Variants in LARP4B observed in about 807,000 individuals in gnomAD.
LARP4B encodes the protein La ribonucleoprotein 4B.
In LARP4B, 12 loss-of-function variants were observed where a neutral mutation model predicts 89.8. The ratio of observed to expected loss-of-function variants is 0.13; its 90% CI spans 0.09 to 0.22. The LOEUF is 0.22. LARP4B is among the 10% of genes least tolerant of loss of function. The pLI is 1.00. For missense variants in LARP4B, 757 were observed against 947.7 expected (o/e 0.80, Z 2.64); for synonymous variants, 367 against 363.3 (o/e 1.01, Z -0.12).
chr10:883,629 A>T (rs1472616092), intron 3 of LARP4B, among the ~76,000 whole-genome samples: 1 of 151,556 alleles, frequency 6.6e-6, no homozygotes, highest in African/African-American at 2.4e-5. Context: ...TTGTTTTTTT[A>T]AAATTCTTCT....
chr10:906,486 G>C (rs1298999324), intron 1 of LARP4B, among the ~76,000 whole-genome samples: 1 of 152,250 alleles, frequency 6.6e-6, no homozygotes, highest in African/African-American at 2.4e-5. Flanking sequence ...CCCAGCGCCA[G>C]TGTGGTGCAA....
chr10:847,935 C>T (rs1385537489), intron 5 of LARP4B, among the ~76,000 whole-genome samples: 5 of 152,192 alleles, frequency 3.3e-5, no homozygotes, highest in Admixed American at 3.3e-4. Flanking sequence ...CAGTGTATGG[C>T]TGTGTGGAAG....
chr10:841,132 G>A (rs138814207), intron 7 of LARP4B, among the ~76,000 whole-genome samples: 12 of 152,140 alleles, frequency 7.9e-5, no homozygotes, highest in East Asian at 1.9e-4. Context: ...CAGCCTTGGC[G>A]ACAGAGTGAG....
chr10:842,690 T>TCTA, intron 7 of LARP4B, among the ~76,000 whole-genome samples: 1 of 152,318 alleles, frequency 6.6e-6, no homozygotes, highest in African/African-American at 2.4e-5. Flanking sequence ...AAGATTCTTT[T>TCTA]CTACTTCATA....
intron 1 of LARP4B, among the ~76,000 whole-genome samples, chr10:888,200 G>A (rs958197486): frequency 1.3e-5 from 2 of 151,798 alleles, no homozygotes; most frequent in East Asian, 3.9e-4. Context: ...CATGCCTGGA[G>A]TCCCAGCTAT....
chr10:962,298 CAAAAAAAAA>C, the LARP4B span, among the ~76,000 whole-genome samples: 26 of 60,636 alleles, frequency 4.3e-4, 1 homozygote, highest in African/African-American at 1.4e-3. Context: ...ACTCCATCTC[CAAAAAAAAA>C]AAAAAAAAAA....
intron 13 of LARP4B, among the ~76,000 whole-genome samples, chr10:823,823 G>C (rs1024857621): frequency 6.6e-6 from 1 of 152,004 alleles, no homozygotes; most frequent in African/African-American, 2.4e-5. Context: ...GGCCCCTTTT[G>C]GCTTTGCATC....
rs1375553929 is a variant in LARP4B, at chr10:811,298, C to T, written c.*1628G>A. 1 of 152,650 alleles carries T rather than the reference C, an allele frequency of 6.6e-6. No individual in the cohort carries two copies. The highest frequency in any genetic ancestry group is 1.5e-5 in the Non-Finnish European group (1 of 68,036). 9.5% of individuals were successfully genotyped at this position (152,650 alleles called of 1,614,324 possible). ...TCAATAATCTGTATCAGAATTTTCT[C>T]TGTAGGGTACCTTTTTCATATGTTC... is the stretch of plus-strand genomic sequence containing the variant. On this transcript the variant is annotated 3_prime_UTR_variant, in exon 18 of 18. Coordinates refer to ENST00000316157, the MANE Select transcript of LARP4B (RefSeq NM_015155.3).
At chr10:943,109 G>T in the LARP4B span, among the ~76,000 whole-genome samples, 1 of 152,138 alleles carries the variant, frequency 6.6e-6, no homozygotes, top group East Asian at 1.9e-4. Flanking sequence ...ACCACCCCTG[G>T]CTGATTTTTG....
the LARP4B span, among the ~76,000 whole-genome samples, chr10:968,341 GATA>G: frequency 9.4e-6 from 1 of 106,350 alleles, no homozygotes; most frequent in South Asian, 3.7e-4. Flanking sequence ...CAGTTTGTGT[GATA>G]ATTAAAATAG....
chr10:909,247 T>C (rs1836594763), intron 1 of LARP4B, among the ~76,000 whole-genome samples: 1 of 138,854 alleles, frequency 7.2e-6, no homozygotes, highest in Admixed American at 7.9e-5. Context: ...TGAGCCGAGA[T>C]CGCGCCACTG....
the LARP4B span, among the ~76,000 whole-genome samples, chr10:960,130 T>C: frequency 6.6e-6 from 1 of 152,128 alleles, no homozygotes; most frequent in Non-Finnish European, 1.5e-5. Context: ...GAAGCCAATC[T>C]GAAAAGGCCA....
chr10:832,945 T>C (rs1385310218), intron 8 of LARP4B, among the ~76,000 whole-genome samples: 1 of 152,168 alleles, frequency 6.6e-6, no homozygotes, highest in Non-Finnish European at 1.5e-5. Flanking sequence ...GTGACTTGTT[T>C]AAAGCAAACG....
chr10:905,825 A>G (rs1336955475), intron 1 of LARP4B, among the ~76,000 whole-genome samples: 1 of 152,166 alleles, frequency 6.6e-6, no homozygotes, highest in Non-Finnish European at 1.5e-5. Context: ...TCCTTCTACA[A>G]GAACCAGCCT....
intron 6 of LARP4B, among the ~76,000 whole-genome samples, chr10:843,547 A>C (rs1234087720): frequency 6.6e-6 from 1 of 152,110 alleles, no homozygotes; most frequent in Non-Finnish European, 1.5e-5. Context: ...AAAAATACAA[A>C]AATTAGCCAG....
In LARP4B at chr10:862,908, C is replaced by A. The variant is rs188521734; in HGVS notation, c.430+835G>T. Reference sequence around the variant, plus strand: ...ACATACTAAGGTACTTACAACCCTACATGAGAACAACAGAGATTCTATCCA... The same window carrying A: ...ACATACTAAGGTACTTACAACCCTAAATGAGAACAACAGAGATTCTATCCA... On this transcript the variant is annotated intron_variant, in intron 5 of 17. Coordinates refer to ENST00000316157, the MANE Select transcript of LARP4B (RefSeq NM_015155.3). Among the ~76,000 whole-genome samples, 4 of 152,318 alleles carry A rather than the reference C, an allele frequency of 2.6e-5. No individual in the cohort carries two copies. In the East Asian group the frequency reaches 7.7e-4, roughly 29 times the overall value.
At chr10:918,167 G>C (rs1411846423) in intron 1 of LARP4B, among the ~76,000 whole-genome samples, 1 of 151,990 alleles carries the variant, frequency 6.6e-6, no homozygotes, top group African/African-American at 2.4e-5. Context: ...CTTGACTGAG[G>C]GCTGAGAATG....
chr10:970,322 G>A, the LARP4B span, among the ~76,000 whole-genome samples: 2 of 152,170 alleles, frequency 1.3e-5, no homozygotes, highest in African/African-American at 4.8e-5. Flanking sequence ...TTTGGAAGCC[G>A]GAGCTCCTGC....
chr10:847,553 C>T (rs938162659), intron 5 of LARP4B, among the ~76,000 whole-genome samples: 11 of 151,484 alleles, frequency 7.3e-5, no homozygotes, highest in Non-Finnish European at 1.5e-4. Context: ...GAGCCTTGCT[C>T]TGTCACCCAG....
Sources: allele counts gnomAD v4.1 joint callset (sites outside exome capture counted in the v4.1 genomes callset), GRCh38; gene constraint gnomAD v4.1.1; transcripts MANE v1.5; gene names NCBI Gene and HGNC (gene_info 2026-07-23, HGNC 2026-07-21).